MAN2A1: variants seen among roughly 807,000 people sequenced by gnomAD.
MAN2A1 encodes alpha-mannosidase 2.
In MAN2A1, 76 loss-of-function variants were observed where a neutral mutation model predicts 142.6. That is an observed-to-expected ratio of 0.53 (90% CI 0.44 to 0.65). The LOEUF is 0.65. MAN2A1 is among the 30% of genes least tolerant of loss of function. MAN2A1 has a pLI of 0.00. For synonymous variants in MAN2A1, 559 were observed against 473.2 expected (o/e 1.18, Z -2.35); for missense variants, 1,311 against 1,365.1 (o/e 0.96, Z 0.62).
chr5:109,802,748 C>CT (rs888733102), intron 12 of MAN2A1, among the ~76,000 whole-genome samples: 1 of 151,390 alleles, frequency 6.6e-6, no homozygotes, highest in Non-Finnish European at 1.5e-5. Flanking sequence ...TAGGTGTTGA[C>CT]TTTTTTTTTC....
chr5:109,690,519 C>A lies in MAN2A1; in HGVS notation c.102C>A (p.Pro34=). The stretch of plus-strand genomic sequence containing the variant: ...TGGACCGGGGTCACTTAGACTACCC[C>A]AGGAACCCGCGCCGCGAGGGCTCCT... ...LMLDRGHLDY[P]RNPRREGSFP... is the part of the protein sequence containing the mutation. The change falls in exon 1 of 22, where the codon CCC becomes CCA. Residue 34 remains proline (P), a synonymous_variant. Coordinates refer to ENST00000261483, the MANE Select transcript of MAN2A1 (RefSeq NM_002372.4). 1 of 1,611,986 alleles carries A rather than the reference C, an allele frequency of 6.2e-7. No individual in the cohort carries two copies. The highest frequency in any genetic ancestry group is 1.1e-5 in the South Asian group (1 of 90,742).
chr5:109,823,146 AAAACT>A, intron 15 of MAN2A1, among the ~76,000 whole-genome samples: 1 of 152,254 alleles, frequency 6.6e-6, no homozygotes, highest in East Asian at 1.9e-4. Context: ...AATTTAAATA[AAAACT>A]AAACTAGTGG....
intron 4 of MAN2A1, among the ~76,000 whole-genome samples, chr5:109,751,544 T>TCATG (rs1213071901): frequency 1.3e-5 from 2 of 152,014 alleles, no homozygotes; most frequent in Non-Finnish European, 2.9e-5. Flanking sequence ...GATGGCTGGA[T>TCATG]CATAAGGTAG....
chr5:109,753,721 C>G (rs1202913791), intron 4 of MAN2A1, among the ~76,000 whole-genome samples: 1 of 152,138 alleles, frequency 6.6e-6, no homozygotes, highest in Non-Finnish European at 1.5e-5. Context: ...CTCTGTGCCT[C>G]TGGTCTGCTT....
chr5:109,690,352 A>G lies in MAN2A1; in HGVS notation c.-66A>G, dbSNP rs1027118876. The G allele has an allele frequency of 7.0e-6, 11 of 1,580,768 alleles. No homozygotes were observed. The highest frequency in any genetic ancestry group is 9.6e-6 in the Non-Finnish European group (11 of 1,150,490). On this transcript the variant is annotated 5_prime_UTR_variant, in exon 1 of 22. Coordinates refer to ENST00000261483, the MANE Select transcript of MAN2A1 (RefSeq NM_002372.4). ...AGGGAGCCTCCGGCGGCTGCTTCCT[A>G]GAGTCCACAGTGCGCTGTCTCCTTT...
At chr5:109,865,395 T>G (rs1348174107) in intron 21 of MAN2A1, 4 of 443,194 alleles carry the variant, frequency 9.0e-6, no homozygotes, top group Non-Finnish European at 1.7e-5. Flanking sequence ...TGTTATTTCC[T>G]AGGCCTTCTA....
intron 3 of MAN2A1, among the ~76,000 whole-genome samples, chr5:109,720,327 A>T (rs1751565831): frequency 6.6e-6 from 1 of 152,214 alleles, no homozygotes; most frequent in Non-Finnish European, 1.5e-5. Flanking sequence ...TACATTTGCA[A>T]TTCTTTTGTA....
intron 20 of MAN2A1, among the ~76,000 whole-genome samples, chr5:109,861,122 C>CCT (rs1206284683): frequency 1.3e-5 from 2 of 152,138 alleles, no homozygotes; most frequent in African/African-American, 2.4e-5. Flanking sequence ...AGACTTAGAG[C>CCT]AAGTCACTTA....
rs545255981 is a variant in MAN2A1 at position 109,783,422 on chromosome 5, C to T, written c.1578-1322C>T. ...GGGTGTCTGGATATGCATATGTACT[C>T]CTTTTAAAACCAGGAATATTTGCCA... is the stretch of plus-strand genomic sequence containing the variant. On this transcript the variant is annotated intron_variant, in intron 9 of 21. Transcript: ENST00000261483. Among the ~76,000 whole-genome samples, 10 of 152,186 alleles carry T rather than the reference C, an allele frequency of 6.6e-5. No homozygotes were observed. The South Asian group carries it at 1.9e-3, about 28-fold the overall frequency.
At chr5:109,852,418 T>G (rs559870743) in intron 19 of MAN2A1, among the ~76,000 whole-genome samples, 197 of 152,320 alleles carry the variant, frequency 1.3e-3, no homozygotes, top group Non-Finnish European at 2.4e-3. Context: ...CAAGTCAAAC[T>G]GAATAAACAA....
chr5:109,827,648 T>G (rs1003211869), intron 16 of MAN2A1, among the ~76,000 whole-genome samples: 1 of 152,208 alleles, frequency 6.6e-6, no homozygotes, highest in Non-Finnish European at 1.5e-5. Context: ...GTTGAAGGGC[T>G]CTCTCTTTCT....
Position 109,823,808 on chromosome 5 carries a change from C to A in MAN2A1, c.2537C>A (p.Thr846Asn). ...GTGACTTGCTTTTTTGACCATGTTA[C>A]TCATAGAGTCCGACTATACCACATA... ...SEVTCFFDHVTHRVRLYHIQG... is the reference protein window; with the variant it reads ...SEVTCFFDHVNHRVRLYHIQG... The change falls in exon 16 of 22, where the codon ACT becomes AAT. Residue 846 changes from threonine (T) to asparagine (N), a missense_variant. Coordinates refer to ENST00000261483, the MANE Select transcript of MAN2A1 (RefSeq NM_002372.4). The A allele has an allele frequency of 6.3e-7, 1 of 1,599,380 alleles. No homozygotes were observed. Among genetic ancestry groups the A allele is most frequent in the South Asian group, 1.1e-5 (1 of 88,868 alleles).
intron 1 of MAN2A1, among the ~76,000 whole-genome samples, chr5:109,705,820 C>CT (rs1751114280): frequency 6.6e-6 from 1 of 152,142 alleles, no homozygotes. Flanking sequence ...GAGTGCATTC[C>CT]TTGGCTCAAG....
intron 19 of MAN2A1, among the ~76,000 whole-genome samples, chr5:109,852,034 C>T (rs932856679): frequency 1.3e-5 from 2 of 151,288 alleles, no homozygotes; most frequent in African/African-American, 4.9e-5. Context: ...AATGCCTGCC[C>T]AGGGTGACAC....
chr5:109,734,754 G>C (rs1038827518), intron 4 of MAN2A1, among the ~76,000 whole-genome samples: 2 of 152,092 alleles, frequency 1.3e-5, no homozygotes, highest in Non-Finnish European at 2.9e-5. Context: ...TATAATTTCT[G>C]TTCTTTTACG....
intron 16 of MAN2A1, among the ~76,000 whole-genome samples, chr5:109,837,503 T>C (rs1032711365): frequency 1.8e-4 from 28 of 152,148 alleles, no homozygotes; most frequent in Non-Finnish European, 2.9e-5. Context: ...TGAGACATGA[T>C]GATGTAGTAG....
At position 109,820,353 on chromosome 5, in the gene MAN2A1, CTGA is replaced by C. The variant is rs778553283; in HGVS notation, c.2451+15_2451+17del. ...GATGGTAATGCCAAGGTAAGTGGTA[CTGA>C]TGAGATGACAAATGGAATAAACACT... On this transcript the variant is annotated intron_variant, in intron 15 of 21. Coordinates refer to ENST00000261483, the MANE Select transcript of MAN2A1 (RefSeq NM_002372.4). 1.3e-6 allele frequency: 2 copies of C among 1,599,162 alleles called. No homozygotes were observed. Among genetic ancestry groups the C allele is most frequent in the South Asian group, 2.3e-5 (2 of 87,678 alleles).
intron 3 of MAN2A1, among the ~76,000 whole-genome samples, chr5:109,728,712 G>A: frequency 6.6e-6 from 1 of 152,132 alleles, no homozygotes; most frequent in Admixed American, 6.6e-5. Flanking sequence ...CGCATTTGTT[G>A]TTTGATTAGT....
intron 5 of MAN2A1, among the ~76,000 whole-genome samples, chr5:109,758,829 A>G (rs1242705390): frequency 6.6e-6 from 1 of 151,850 alleles, no homozygotes; most frequent in Non-Finnish European, 1.5e-5. Context: ...CAGTTATTCC[A>G]ATGCCACTTA....
Sources: allele counts gnomAD v4.1 joint callset (sites outside exome capture counted in the v4.1 genomes callset), GRCh38; gene constraint gnomAD v4.1.1; transcripts MANE v1.5; gene names NCBI Gene and HGNC (gene_info 2026-07-23, HGNC 2026-07-21).